Variants in IRAK1BP1 observed in about 807,000 individuals in gnomAD.
IRAK1BP1 encodes interleukin 1 receptor associated kinase 1 binding protein 1, also known as interleukin-1 receptor-associated kinase 1-binding protein 1.
A neutral mutation model predicts 28.0 loss-of-function variants in IRAK1BP1; 24 were observed. The observed-to-expected ratio is 0.86, with a 90% CI of 0.62 to 1.20. IRAK1BP1 has a LOEUF of 1.20. Among genes scored for constraint, IRAK1BP1 ranks in the 50% most tolerant of loss-of-function variants. The pLI, the probability that IRAK1BP1 is intolerant of heterozygous loss-of-function variation, is 0.00. For synonymous variants in IRAK1BP1, 131 were observed against 116.3 expected, an observed-to-expected ratio of 1.13 and a Z score of -0.81; for missense variants, 336 against 316.7, an observed-to-expected ratio of 1.06 and a Z score of -0.46.
chr6:78,876,697 A>G (rs893076652), intron 1 of IRAK1BP1, among the ~76,000 whole-genome samples: 1 of 152,148 alleles, frequency 6.6e-6, no homozygotes, highest in South Asian at 2.1e-4. Flanking sequence ...AAACTGTTCA[A>G]GTTTTAAAAC....
At chr6:78,976,106 A>C in the IRAK1BP1 span, among the ~76,000 whole-genome samples, 1 of 150,406 alleles carries the variant, frequency 6.6e-6, no homozygotes, top group African/African-American at 2.4e-5. Context: ...GAGGCATCAC[A>C]CTACCTGACT....
chr6:78,871,283 C>T, intron 1 of IRAK1BP1: 1 of 985,260 alleles, frequency 1.0e-6, no homozygotes, highest in Non-Finnish European at 1.2e-6. Flanking sequence ...GTGTTTCGGT[C>T]ACTCAGGATG....
At chr6:78,965,680 C>CA in the IRAK1BP1 span, 1 of 1,383,096 alleles carries the variant, frequency 7.2e-7, no homozygotes, top group East Asian at 2.3e-5. Flanking sequence ...AATGGAGAAA[C>CA]AAAAAGCCTA....
chr6:78,962,489 C>T, the IRAK1BP1 span, among the ~76,000 whole-genome samples: 1 of 151,842 alleles, frequency 6.6e-6, no homozygotes, highest in Admixed American at 6.6e-5. Flanking sequence ...CCTCAATCTC[C>T]GTGTCCATCC....
intron 1 of IRAK1BP1, among the ~76,000 whole-genome samples, chr6:78,875,584 T>G (rs1025557807): frequency 6.6e-6 from 1 of 152,198 alleles, no homozygotes; most frequent in Non-Finnish European, 1.5e-5. Context: ...TTTGCAGTAA[T>G]ATGGATAAGG....
the IRAK1BP1 span, among the ~76,000 whole-genome samples, chr6:78,953,256 T>TC: frequency 6.6e-6 from 1 of 152,184 alleles, no homozygotes; most frequent in Non-Finnish European, 1.5e-5. Context: ...GTACAGTTCT[T>TC]CAATATTTCT....
chr6:78,903,189 A>G, downstream of IRAK1BP1: 6 of 759,318 alleles, frequency 7.9e-6, no homozygotes, highest in Non-Finnish European at 1.2e-5. Flanking sequence ...TAGGGTTTAA[A>G]CTTTATTAGG....
rs1772071415 is a variant in IRAK1BP1, at chr6:78,900,898, T to G, written c.*2564T>G. On this transcript the variant is annotated 3_prime_UTR_variant, in exon 4 of 4. Transcript: ENST00000369940. ...ATTGTTGGCTCAATTAAAAGTTGGC[T>G]TTTCCAAATCCTCCATTAGGAAGAA... 1 of 152,168 alleles carries G rather than the reference T, an allele frequency of 6.6e-6. No individual in the cohort carries two copies. The highest frequency in any genetic ancestry group is 6.5e-5 in the Admixed American group (1 of 15,270). 9.4% of individuals were successfully genotyped at this position (152,168 alleles called of 1,614,324 possible). A position where few individuals can be genotyped will look rare whatever the true frequency, so the allele number is the denominator to read the frequency against.
At chr6:78,935,678 T>C in intron 4 of IRAK1BP1, 1 of 984,678 alleles carries the variant, frequency 1.0e-6, no homozygotes, top group Non-Finnish European at 1.2e-6. Flanking sequence ...CCAAATATCT[T>C]TTAACTGACA....
chr6:78,914,974 C>G (rs1230945715), intron 4 of IRAK1BP1, among the ~76,000 whole-genome samples: 1 of 151,650 alleles, frequency 6.6e-6, no homozygotes. Flanking sequence ...GCACGTGCCA[C>G]CATGCCCGGC....
the IRAK1BP1 span, chr6:78,978,813 A>G: frequency 1.1e-6 from 1 of 941,900 alleles, no homozygotes. Context: ...ATAAAAGGGG[A>G]AGGGCACCAT....
downstream of IRAK1BP1, among the ~76,000 whole-genome samples, chr6:78,904,285 A>G (rs920318227): frequency 3.9e-5 from 6 of 152,148 alleles, no homozygotes; most frequent in East Asian, 1.9e-4. Flanking sequence ...TTCAGAACCT[A>G]TGTTCATTTC....
intron 4 of IRAK1BP1, among the ~76,000 whole-genome samples, chr6:78,942,343 C>T (rs1194010046): frequency 2.0e-5 from 3 of 152,150 alleles, no homozygotes; most frequent in East Asian, 1.9e-4. Context: ...AGTAGCTGGG[C>T]GTGGTGGTGG....
chr6:78,906,384 C>T (rs1055448717), downstream of IRAK1BP1, among the ~76,000 whole-genome samples: 8 of 151,968 alleles, frequency 5.3e-5, no homozygotes, highest in Non-Finnish European at 7.4e-5. Context: ...CATATTTTTC[C>T]GAAATTACAC....
downstream of IRAK1BP1, among the ~76,000 whole-genome samples, chr6:78,906,629 C>G (rs2127659452): frequency 6.6e-6 from 1 of 152,176 alleles, no homozygotes; most frequent in South Asian, 2.1e-4. Flanking sequence ...TCCTCTACTC[C>G]CCACCCCAAG....
intron 2 of IRAK1BP1, among the ~76,000 whole-genome samples, chr6:78,894,504 CAATT>C (rs141903539): frequency 0.066 from 10,055 of 152,048 alleles, 392 homozygotes; most frequent in Non-Finnish European, 0.089. Context: ...TGATAAAAGT[CAATT>C]AATCAAGAGG....
intron 4 of IRAK1BP1, chr6:78,941,392 T>G (rs764496088): frequency 9.8e-6 from 12 of 1,230,262 alleles, no homozygotes; most frequent in Non-Finnish European, 1.4e-5. Context: ...ACTCTCAAAC[T>G]TGTCAGTAAG....
the IRAK1BP1 span, chr6:78,957,534 C>G: frequency 2.7e-5 from 4 of 149,076 alleles, no homozygotes; most frequent in African/African-American, 7.4e-5. Context: ...CAAAAAGGAG[C>G]TCAAAGATTA....
At chr6:78,920,434 T>C (rs1325241440) in intron 4 of IRAK1BP1, among the ~76,000 whole-genome samples, 2 of 152,128 alleles carry the variant, frequency 1.3e-5, no homozygotes, top group Non-Finnish European at 2.9e-5. Context: ...AACAGACACA[T>C]GGACCAATGC....
Sources: allele counts gnomAD v4.1 joint callset (sites outside exome capture counted in the v4.1 genomes callset), GRCh38; gene constraint gnomAD v4.1.1; transcripts MANE v1.5; gene names NCBI Gene and HGNC (gene_info 2026-07-23, HGNC 2026-07-21).